FILIP1L: variants seen among roughly 807,000 people sequenced by gnomAD.
FILIP1L encodes filamin A interacting protein 1 like.
In FILIP1L, 55 loss-of-function variants were observed where a neutral mutation model predicts 96.6. The ratio of observed to expected loss-of-function variants is 0.57; its 90% CI spans 0.46 to 0.71. The LOEUF is 0.71. Ranked by LOEUF, FILIP1L falls within the 30% of genes least tolerant of loss-of-function variation. FILIP1L has a pLI of 0.00. For missense variants in FILIP1L, 1,304 were observed against 1,321.2 expected, an observed-to-expected ratio of 0.99 and a Z score of 0.20; for synonymous variants, 467 against 473.9, an observed-to-expected ratio of 0.99 and a Z score of 0.19.
intron 1 of FILIP1L, among the ~76,000 whole-genome samples, chr3:100,072,007 G>T (rs2065771274): frequency 6.6e-6 from 1 of 152,196 alleles, no homozygotes; most frequent in African/African-American, 2.4e-5. Context: ...CAGAGGACCA[G>T]TTGTCTCCGT....
chr3:99,887,101 A>G (rs1022511607), intron 4 of FILIP1L, among the ~76,000 whole-genome samples: 3 of 151,232 alleles, frequency 2.0e-5, no homozygotes, highest in Non-Finnish European at 2.9e-5. Flanking sequence ...GAGAAACCCC[A>G]TCTCTACTAA....
At chr3:99,956,447 G>A (rs1410482486) in intron 1 of FILIP1L, among the ~76,000 whole-genome samples, 1 of 152,174 alleles carries the variant, frequency 6.6e-6, no homozygotes, top group African/African-American at 2.4e-5. Context: ...ACGCCTCCTA[G>A]GTTCAAGTGA....
At chr3:99,998,621 G>A (rs1398476346) in intron 1 of FILIP1L, among the ~76,000 whole-genome samples, 2 of 152,208 alleles carry the variant, frequency 1.3e-5, no homozygotes, top group Non-Finnish European at 2.9e-5. Flanking sequence ...GGAGTGCAGT[G>A]GTGCGATCTC....
chr3:99,959,430 G>A (rs1708430219), intron 1 of FILIP1L, among the ~76,000 whole-genome samples: 3 of 152,180 alleles, frequency 2.0e-5, no homozygotes, highest in South Asian at 2.1e-4. Flanking sequence ...GATTACAGGC[G>A]TGAGCCACCG....
At chr3:100,023,922 GAAAAATGCTAGCAGT>G (rs1229293153) in intron 1 of FILIP1L, among the ~76,000 whole-genome samples, 1 of 152,150 alleles carries the variant, frequency 6.6e-6, no homozygotes, top group African/African-American at 2.4e-5. Flanking sequence ...AGGAGTAGAA[GAAAAATGCTAGCAGT>G]TAAAGAAATC....
chr3:100,055,956 C>T (rs901154084), intron 1 of FILIP1L, among the ~76,000 whole-genome samples: 8 of 152,110 alleles, frequency 5.3e-5, no homozygotes, highest in African/African-American at 1.9e-4. Flanking sequence ...ATAGATAACA[C>T]TTGTGTATGG....
chr3:99,999,362 AG>A (rs543345248), intron 1 of FILIP1L, among the ~76,000 whole-genome samples: 30 of 152,296 alleles, frequency 2.0e-4, no homozygotes, highest in African/African-American at 7.2e-4. Context: ...CCTGCATCAG[AG>A]TCATAAGTAT....
intron 4 of FILIP1L, among the ~76,000 whole-genome samples, chr3:99,906,244 T>TC (rs1396205775): frequency 6.6e-6 from 1 of 152,196 alleles, no homozygotes; most frequent in Non-Finnish European, 1.5e-5. Flanking sequence ...GCTGTAGTAC[T>TC]CCCTCGTTGT....
intron 1 of FILIP1L, among the ~76,000 whole-genome samples, chr3:100,075,128 C>A (rs1181787572): frequency 3.3e-5 from 5 of 152,208 alleles, no homozygotes; most frequent in African/African-American, 1.2e-4. Context: ...TGGGGTCAAA[C>A]CCAGATTCTC....
chr3:100,006,502 G>A (rs1709990524), intron 1 of FILIP1L, among the ~76,000 whole-genome samples: 1 of 152,024 alleles, frequency 6.6e-6, no homozygotes, highest in East Asian at 1.9e-4. Flanking sequence ...CTGCCCCAAA[G>A]TCTCCTTTTA....
chr3:100,059,848 C>G (rs1476026948), intron 1 of FILIP1L, among the ~76,000 whole-genome samples: 1 of 152,184 alleles, frequency 6.6e-6, no homozygotes, highest in Admixed American at 6.5e-5. Flanking sequence ...GCAACTAATT[C>G]ATATTCTTCA....
intron 4 of FILIP1L, among the ~76,000 whole-genome samples, chr3:99,854,626 T>A (rs1244295418): frequency 6.6e-6 from 1 of 152,134 alleles, no homozygotes; most frequent in African/African-American, 2.4e-5. Context: ...TACAAGATGT[T>A]TAGCAGCATC....
At chr3:99,919,448 A>G (rs1707055478) in intron 4 of FILIP1L, among the ~76,000 whole-genome samples, 1 of 149,654 alleles carries the variant, frequency 6.7e-6, no homozygotes, top group South Asian at 2.2e-4. Context: ...CAGTAGACAT[A>G]TATATTTAAT....
At chr3:99,889,753 CACAAGTT>C (rs1706025506) in intron 4 of FILIP1L, among the ~76,000 whole-genome samples, 1 of 151,970 alleles carries the variant, frequency 6.6e-6, no homozygotes, top group Non-Finnish European at 1.5e-5. Context: ...AATTCCATCT[CACAAGTT>C]AAATTCTCAA....
rs116577695 is a variant in FILIP1L, at chr3:99,864,921, C to T, written c.606-13851G>A. 3.9e-3 allele frequency among the ~76,000 whole-genome samples: 596 copies of T among 152,208 alleles called. 2 individuals are homozygous for T. Among genetic ancestry groups the T allele is most frequent in the African/African-American group, 0.014 (570 of 41,528 alleles). The stretch of plus-strand genomic sequence containing the variant: ...TGGTGTGTGTGTATGTGCGCACACA[C>T]GCATCTCATTCAATGATTAGTCAAT... On this transcript the variant is annotated intron_variant, in intron 4 of 5. Transcript: ENST00000477258.
intron 5 of FILIP1L, 36 bp downstream of exon 5, chr3:99,848,259 T>G: frequency 1.2e-6 from 2 of 1,608,726 alleles, no homozygotes; most frequent in South Asian, 1.1e-5. Context: ...ATGGACTGGA[T>G]GAGGGTGAGC....
chr3:99,951,732 A>G (rs2107689646), intron 1 of FILIP1L, among the ~76,000 whole-genome samples: 1 of 152,316 alleles, frequency 6.6e-6, no homozygotes, highest in African/African-American at 2.4e-5. Flanking sequence ...AGGTACCCTT[A>G]GATCATGGGT....
chr3:100,018,305 G>A (rs564937179), intron 1 of FILIP1L, among the ~76,000 whole-genome samples: 1 of 152,180 alleles, frequency 6.6e-6, no homozygotes, highest in South Asian at 2.1e-4. Flanking sequence ...CAGCCTAGGC[G>A]ACAAGAGCAA....
At chr3:100,045,321 C>T (rs1354552289) in intron 1 of FILIP1L, among the ~76,000 whole-genome samples, 1 of 152,098 alleles carries the variant, frequency 6.6e-6, no homozygotes. Context: ...GCCATTATTA[C>T]TATGTCTAGG....
Sources: allele counts gnomAD v4.1 joint callset (sites outside exome capture counted in the v4.1 genomes callset), GRCh38; gene constraint gnomAD v4.1.1; transcripts MANE v1.5; gene names NCBI Gene and HGNC (gene_info 2026-07-23, HGNC 2026-07-21).